The following IPMK variants were observed in gnomAD, a reference collection of about 807,000 sequenced individuals.
The protein encoded by IPMK is inositol 1,3,4,6-tetrakisphosphate 5-kinase.
IPMK carries 17 observed loss-of-function variants against 45.8 expected under a neutral mutation model. The observed-to-expected ratio is 0.37, with a 90% CI of 0.25 to 0.56. IPMK has a LOEUF of 0.56. Among genes scored for constraint, IPMK ranks in the 20% least tolerant of loss-of-function variants. The pLI is 0.79. For synonymous variants in IPMK, 180 were observed against 184.3 expected, an observed-to-expected ratio of 0.98 and a Z score of 0.19; for missense variants, 399 against 498.0, an observed-to-expected ratio of 0.80 and a Z score of 1.89.
At chr10:58,260,242 C>G (rs561467537) in intron 1 of IPMK, among the ~76,000 whole-genome samples, 1 of 152,170 alleles carries the variant, frequency 6.6e-6, no homozygotes, top group Non-Finnish European at 1.5e-5. Flanking sequence ...CTATACTCTT[C>G]AAAAATTCCA....
intron 3 of IPMK, among the ~76,000 whole-genome samples, chr10:58,223,093 C>A (rs1838361104): frequency 6.6e-6 from 1 of 151,940 alleles, no homozygotes; most frequent in Non-Finnish European, 1.5e-5. Flanking sequence ...GAAATCACCA[C>A]TAAATAACTT....
At chr10:58,241,518 A>C (rs953887541) in intron 1 of IPMK, among the ~76,000 whole-genome samples, 1 of 152,204 alleles carries the variant, frequency 6.6e-6, no homozygotes, top group South Asian at 2.1e-4. Flanking sequence ...TCTGTGGTGC[A>C]CTGACAGTAT....
intron 1 of IPMK, among the ~76,000 whole-genome samples, chr10:58,252,434 CTG>C (rs1838894611): frequency 9.5e-6 from 1 of 105,756 alleles, no homozygotes. Flanking sequence ...CTGAATTTGA[CTG>C]TTTTTTTTTT....
At chr10:58,230,462 A>T (rs1214948302) in intron 2 of IPMK, among the ~76,000 whole-genome samples, 5 of 152,200 alleles carry the variant, frequency 3.3e-5, no homozygotes, top group Non-Finnish European at 7.3e-5. Context: ...CAGAGGAAGG[A>T]TCAGGCAGCA....
chr10:58,230,348 C>T (rs1160310855), intron 2 of IPMK, among the ~76,000 whole-genome samples: 1 of 152,184 alleles, frequency 6.6e-6, no homozygotes, highest in African/African-American at 2.4e-5. Context: ...AGACTGCCCC[C>T]TCAAGTGGGT....
At position 58,267,586 on chromosome 10, in the gene IPMK, A is replaced by T. The variant is rs1839170757; in HGVS notation, c.26T>A (p.Leu9His). 1.2e-6 allele frequency: 2 copies of T among 1,603,980 alleles called. No homozygotes were observed. The highest frequency in any genetic ancestry group is 3.4e-5 in the Admixed American group (2 of 58,968). The change falls in exon 1 of 6, where the codon CTC becomes CAC. Residue 9 changes from leucine to histidine, a missense_variant. Leu to His is a moderately conservative substitution (Grantham distance 99). Transcript: ENST00000373935. MATEPPSP[L>H]RVEAPGPPEM... ...TGGGGGGCCCGGCGCCTCGACCCGG[A>T]GGGGGGATGGTGGCTCTGTTGCCAT...
chr10:58,212,798 C>T, intron 4 of IPMK: 1 of 228,598 alleles, frequency 4.4e-6, no homozygotes, highest in South Asian at 7.0e-5. Context: ...AAGCTGGTTT[C>T]TTGCAAGTGA....
chr10:58,218,433 A>T (rs1838281746), intron 3 of IPMK, among the ~76,000 whole-genome samples: 1 of 152,234 alleles, frequency 6.6e-6, no homozygotes, highest in African/African-American at 2.4e-5. Context: ...AACCACCTTA[A>T]GCAAAAAGGA....
At chr10:58,258,965 C>T (rs538758010) in intron 1 of IPMK, among the ~76,000 whole-genome samples, 1 of 152,094 alleles carries the variant, frequency 6.6e-6, no homozygotes, top group African/African-American at 2.4e-5. Context: ...AATAAATATA[C>T]TGATGTTTTG....
chr10:58,197,516 G>A (rs373937357), intron 5 of IPMK, among the ~76,000 whole-genome samples: 1 of 151,578 alleles, frequency 6.6e-6, no homozygotes, highest in Non-Finnish European at 1.5e-5. Context: ...TGGGCATGGT[G>A]GCGGACGCCT....
chr10:58,250,341 A>G (rs1177165584), intron 1 of IPMK, among the ~76,000 whole-genome samples: 1 of 152,070 alleles, frequency 6.6e-6, no homozygotes, highest in Non-Finnish European at 1.5e-5. Flanking sequence ...TGTCTTCTTC[A>G]ATTCTTTCAG....
intron 3 of IPMK, among the ~76,000 whole-genome samples, chr10:58,220,437 ATAAAGTT>A (rs1838314874): frequency 6.6e-6 from 1 of 152,190 alleles, no homozygotes; most frequent in African/African-American, 2.4e-5. Flanking sequence ...AACTGAGATG[ATAAAGTT>A]TAAAGCAACT....
chr10:58,263,920 G>A (rs528498057), intron 1 of IPMK, among the ~76,000 whole-genome samples: 2 of 152,156 alleles, frequency 1.3e-5, no homozygotes, highest in Admixed American at 1.3e-4. Context: ...AAAGGACAGG[G>A]AAAGGCTGAG....
At position 58,217,688 on chromosome 10, in the gene IPMK, C is replaced by CAA. The variant is rs11393849; in HGVS notation, c.374-1373_374-1372dup. ...GGGCAACAAGAGCAAAACTCCATCT[C>CAA]AAAAAAAAAAAAAAAAAAAAAGAAT... On this transcript the variant is annotated intron_variant, in intron 3 of 5. Coordinates refer to ENST00000373935, the MANE Select transcript of IPMK (RefSeq NM_152230.5). 4.5e-3 allele frequency among the ~76,000 whole-genome samples: 220 copies of CAA among 48,980 alleles called. 2 individuals carry two copies. Among genetic ancestry groups the CAA allele is most frequent in the South Asian group, 0.023 (26 of 1,154 alleles). 32.1% of individuals were successfully genotyped at this position (48,980 alleles called of 152,430 possible). A position where few individuals can be genotyped will look rare whatever the true frequency, so the allele number is the denominator to read the frequency against.
At chr10:58,215,235 C>A (rs1484422674) in intron 4 of IPMK, among the ~76,000 whole-genome samples, 1 of 152,120 alleles carries the variant, frequency 6.6e-6, no homozygotes, top group African/African-American at 2.4e-5. Flanking sequence ...ACCATCTATA[C>A]CCAGCTGAAC....
intron 3 of IPMK, among the ~76,000 whole-genome samples, chr10:58,219,672 T>C (rs1838300710): frequency 1.3e-5 from 2 of 152,182 alleles, no homozygotes; most frequent in African/African-American, 2.4e-5. Context: ...CCACAACCCA[T>C]CATTGGATTA....
At chr10:58,248,977 A>G (rs1249648137) in intron 1 of IPMK, among the ~76,000 whole-genome samples, 1 of 152,262 alleles carries the variant, frequency 6.6e-6, no homozygotes, top group African/African-American at 2.4e-5. Context: ...GCTATTGTGA[A>G]TATAGCTACA....
At chr10:58,233,977 C>T (rs891515606) in intron 2 of IPMK, among the ~76,000 whole-genome samples, 1 of 152,152 alleles carries the variant, frequency 6.6e-6, no homozygotes, top group Non-Finnish European at 1.5e-5. Context: ...TCTCAGGATA[C>T]AAAATCAATG....
intron 3 of IPMK, among the ~76,000 whole-genome samples, chr10:58,221,883 G>A (rs1307371031): frequency 1.3e-5 from 2 of 152,054 alleles, no homozygotes; most frequent in African/African-American, 2.4e-5. Flanking sequence ...TGAGTAGCTG[G>A]GACTACAGGT....
Sources: gnomAD v4.1 joint callset for allele counts (sites outside exome capture counted in the v4.1 genomes callset) on GRCh38, gnomAD v4.1.1 for gene constraint, MANE v1.5 for transcripts, NCBI Gene and HGNC (gene_info 2026-07-23, HGNC 2026-07-21) for gene names.